The following POLR2F variants were observed in gnomAD, a reference collection of about 807,000 sequenced individuals.
POLR2F encodes the protein DNA-directed RNA polymerases I, II, and III subunit RPABC2.
Under a neutral mutation model 22.7 loss-of-function variants are expected in POLR2F, and 12 were observed. That is an observed-to-expected ratio of 0.53 (90% CI 0.34 to 0.86). The LOEUF is 0.86. Among genes scored for constraint, POLR2F ranks in the 40% least tolerant of loss-of-function variants. The pLI, the probability that POLR2F is intolerant of heterozygous loss-of-function variation, is 0.02. For missense variants in POLR2F, 126 were observed against 171.5 expected (o/e 0.73, Z 1.48); for synonymous variants, 57 against 66.0 (o/e 0.86, Z 0.66).
At chr22:37,979,232 G>T (rs1459003136) in intron 4 of POLR2F, among the ~76,000 whole-genome samples, 2 of 151,716 alleles carry the variant, frequency 1.3e-5, no homozygotes, top group African/African-American at 4.8e-5. Flanking sequence ...CGGGTAGCTG[G>T]GACTACAGGC....
intron 1 of POLR2F, among the ~76,000 whole-genome samples, chr22:38,007,420 A>G (rs528123719): frequency 6.8e-4 from 104 of 152,180 alleles, no homozygotes; most frequent in Non-Finnish European, 5.9e-5. Flanking sequence ...GCAGAGACCC[A>G]TGTCAGGGGG....
downstream of POLR2F, chr22:38,041,247 G>A (rs2085169554): frequency 3.7e-6 from 5 of 1,334,814 alleles, no homozygotes; most frequent in Middle Eastern, 2.6e-4. Context: ...CAGATGGCGG[G>A]GGCAGGCACA....
chr22:37,983,742 C>T (rs1282410687), upstream of POLR2F: 2 of 1,482,692 alleles, frequency 1.3e-6, no homozygotes, highest in African/African-American at 1.5e-5. The surrounding 1 kb of genome is among the most constrained non-coding windows in gnomAD (Gnocchi z 9.5). Context: ...TCCGAGCCCA[C>T]GGGGCTCAGC....
At chr22:37,984,751 C>G (rs73886216), upstream of POLR2F, among the ~76,000 whole-genome samples, 1 of 151,952 alleles carries the variant, frequency 6.6e-6, no homozygotes, top group Non-Finnish European at 1.5e-5. This position sits in a 1 kb window ranked among gnomAD's most constrained non-coding sequence, Gnocchi z 4.4. Context: ...TGAGGCTTAT[C>G]TTGGGCTTAG....
At chr22:38,023,998 T>G (rs1230351381) in intron 1 of POLR2F, among the ~76,000 whole-genome samples, 1 of 152,042 alleles carries the variant, frequency 6.6e-6, no homozygotes, top group Non-Finnish European at 1.5e-5. Context: ...CCTGCCACCA[T>G]GCCCGGTTAA....
chr22:37,958,176 C>T (rs946406123), intron 2 of POLR2F, among the ~76,000 whole-genome samples: 1 of 150,978 alleles, frequency 6.6e-6, no homozygotes, highest in Admixed American at 6.6e-5. Flanking sequence ...CCATGCCCAG[C>T]TCAGAGTCAA....
In POLR2F at chr22:37,968,654, CAG is replaced by C. The variant is rs892831687; in HGVS notation, c.*940_*941del. ...CTGGCTCCTCCCTCCTAGAGGGGGTCAGGGGGAGGGTGTATATTGACATGAAC... is the reference window on the plus strand; with the variant it reads ...CTGGCTCCTCCCTCCTAGAGGGGGTCGGGGAGGGTGTATATTGACATGAAC... On this transcript the variant is annotated 3_prime_UTR_variant, in exon 5 of 5. Transcript: ENST00000442738. 1 of 985,204 alleles carries C rather than the reference CAG, an allele frequency of 1.0e-6. No individual in the cohort carries two copies. The highest frequency in any genetic ancestry group is 1.7e-5 in the African/African-American group (1 of 57,214). The allele number at this position is 985,204 out of a possible 1,614,324, so 61.0% of individuals were successfully genotyped here. A position where few individuals can be genotyped will look rare whatever the true frequency, so the allele number is the denominator to read the frequency against.
intron 1 of POLR2F, among the ~76,000 whole-genome samples, chr22:38,019,436 C>A (rs1282807207): frequency 6.6e-6 from 1 of 152,200 alleles, no homozygotes; most frequent in Non-Finnish European, 1.5e-5. Context: ...CGTGGCCTCA[C>A]AAGGACCTCC....
chr22:38,003,733 T>A (rs1166359036), intron 1 of POLR2F, among the ~76,000 whole-genome samples: 2 of 151,692 alleles, frequency 1.3e-5, no homozygotes, highest in Non-Finnish European at 2.9e-5. Flanking sequence ...CGCGCCACCA[T>A]GCCCAGCTAA....
chr22:38,014,057 G>A (rs1404133263), intron 1 of POLR2F, among the ~76,000 whole-genome samples: 1 of 151,172 alleles, frequency 6.6e-6, no homozygotes, highest in Non-Finnish European at 1.5e-5. Flanking sequence ...GGGAGGTGGA[G>A]GTTGCTGTGG....
chr22:37,957,902 G>A (rs1931463523), intron 2 of POLR2F, among the ~76,000 whole-genome samples: 2 of 152,124 alleles, frequency 1.3e-5, no homozygotes, highest in Non-Finnish European at 2.9e-5. Flanking sequence ...TTCCTAAATG[G>A]CCTCTCTGCT....
downstream of POLR2F, among the ~76,000 whole-genome samples, chr22:38,031,586 A>T (rs73886240): frequency 3.9e-5 from 6 of 152,294 alleles, no homozygotes; most frequent in Admixed American, 2.6e-4. This position sits in a 1 kb window ranked among gnomAD's most constrained non-coding sequence, Gnocchi z 4.1. Context: ...GGTCCCCACC[A>T]GCACCAACAC....
chr22:37,985,584 G>A (rs1399832483), upstream of POLR2F, among the ~76,000 whole-genome samples: 2 of 152,196 alleles, frequency 1.3e-5, no homozygotes, highest in Non-Finnish European at 2.9e-5. Flanking sequence ...TGTGGGTTAT[G>A]TAATGGAGCT....
intron 1 of POLR2F, among the ~76,000 whole-genome samples, chr22:38,012,499 A>G (rs980945787): frequency 6.6e-6 from 1 of 152,230 alleles, no homozygotes; most frequent in Admixed American, 6.5e-5. Context: ...TTACATAACT[A>G]TGATACACTT....
At chr22:37,983,845 C>T, upstream of POLR2F, 1 of 1,317,974 alleles carries the variant, frequency 7.6e-7, no homozygotes, top group Non-Finnish European at 9.7e-7. The surrounding 1 kb of genome is among the most constrained non-coding windows in gnomAD (Gnocchi z 9.5). Flanking sequence ...CCGCCGGGGT[C>T]CTCGCAAAGA....
At chr22:37,993,524 T>A (rs1405888756) in intron 1 of POLR2F, among the ~76,000 whole-genome samples, 2 of 152,216 alleles carry the variant, frequency 1.3e-5, no homozygotes, top group Non-Finnish European at 2.9e-5. Flanking sequence ...CTGATGTCAC[T>A]TGTTAATGAA....
At chr22:38,026,105 C>T (rs1360453875) in exon 2 of POLR2F, 1 of 534,030 alleles carries the variant, frequency 1.9e-6, no homozygotes, top group Admixed American at 1.9e-5. Context: ...GTGCCCCTGC[C>T]TGGATCCCCC....
Position 37,997,737 on chromosome 22 carries a change from C to T in POLR2F, c.120+11425C>T, listed in dbSNP as rs1234897612. On this transcript the variant is annotated intron_variant, in intron 1 of 2. Transcript: ENST00000333418. The surrounding 1 kb of genome is among the most constrained non-coding windows in gnomAD (Gnocchi z 4.4). ...CCTGTGCCCAGCTCCGCATCTCCCT[C>T]TTCCCATTTCCAGCTTCCCTGAGAC... Among the ~76,000 whole-genome samples the T allele has an allele frequency of 6.6e-6, 1 of 152,168 alleles. No homozygotes were observed. Among genetic ancestry groups the T allele is most frequent in the African/African-American group, 2.4e-5 (1 of 41,434 alleles).
intron 1 of POLR2F, among the ~76,000 whole-genome samples, chr22:38,024,626 C>A (rs2084990801): frequency 6.6e-6 from 1 of 152,114 alleles, no homozygotes; most frequent in African/African-American, 2.4e-5. Context: ...TTGGTGCTGA[C>A]TGAGAATGCC....
Sources: allele counts gnomAD v4.1 joint callset (sites outside exome capture counted in the v4.1 genomes callset), GRCh38; gene constraint gnomAD v4.1.1; non-coding constraint Gnocchi (gnomAD v3.1); transcripts MANE v1.5; gene names NCBI Gene and HGNC (gene_info 2026-07-23, HGNC 2026-07-21).